The following MECOM variants were observed in gnomAD, a reference collection of about 807,000 sequenced individuals.
MECOM encodes the protein MDS1 and EVI1 complex locus.
Under a neutral mutation model 116.3 loss-of-function variants are expected in MECOM, and 13 were observed. The ratio of observed to expected loss-of-function variants is 0.11; its 90% confidence interval spans 0.07 to 0.18. MECOM has a LOEUF of 0.18. Ranked by LOEUF, MECOM falls within the 10% of genes least tolerant of loss-of-function variation. MECOM has a pLI of 1.00. For synonymous variants in MECOM, 528 were observed against 535.2 expected, an observed-to-expected ratio of 0.99 and a Z score of 0.19; for missense variants, 1,299 against 1,509.0, an observed-to-expected ratio of 0.86 and a Z score of 2.31.
chr3:169,085,087 AC>A lies in MECOM; in HGVS notation c.3586-45del, dbSNP rs754463603. The stretch of plus-strand genomic sequence containing the variant: ...AGACTCAGTAAATGGCATTTGAAAA[AC>A]ATCACTTTTAGTTCAAAGAATATTG... On this transcript the variant is annotated intron_variant, in intron 16 of 16. Transcript: ENST00000651503. The A allele has an allele frequency of 1.4e-5, 22 of 1,611,556 alleles. No homozygotes were observed. In the Admixed American group the frequency reaches 3.7e-4, roughly 27 times the overall value.
chr3:169,562,189 T>TAAAAAA (rs1560435224), intron 1 of MECOM, among the ~76,000 whole-genome samples: 1 of 98,180 alleles, frequency 1.0e-5, no homozygotes, highest in East Asian at 2.2e-4. Context: ...AAAAAAAAGA[T>TAAAAAA]AGAAAAAGAA....
At chr3:169,261,450 G>A (rs1222750333) in intron 2 of MECOM, among the ~76,000 whole-genome samples, 1 of 152,154 alleles carries the variant, frequency 6.6e-6, no homozygotes, top group Non-Finnish European at 1.5e-5. Context: ...TGTAATCCCA[G>A]CACTTTGGGA....
At chr3:169,169,484 C>G (rs1744086525) in intron 2 of MECOM, among the ~76,000 whole-genome samples, 1 of 152,026 alleles carries the variant, frequency 6.6e-6, no homozygotes, top group South Asian at 2.1e-4. Flanking sequence ...TTCCAGAATC[C>G]AGGTGGCATA....
At chr3:169,332,005 TA>T (rs10551909) in intron 2 of MECOM, among the ~76,000 whole-genome samples, 8,356 of 137,464 alleles carry the variant, frequency 0.061, 325 homozygotes, top group East Asian at 0.14. Context: ...CTTTTTTATT[TA>T]AAAAAAAAAA....
intron 2 of MECOM, chr3:169,146,622 G>C (rs1335025850): frequency 7.3e-7 from 1 of 1,369,022 alleles, no homozygotes. Context: ...TGGGGGCGGG[G>C]GGCGCCCGTA....
intron 2 of MECOM, among the ~76,000 whole-genome samples, chr3:169,224,271 G>A (rs1229140741): frequency 6.6e-6 from 1 of 152,194 alleles, no homozygotes; most frequent in Non-Finnish European, 1.5e-5. Flanking sequence ...GGGCCAAGGA[G>A]TATCTGTGGA....
chr3:169,090,871 AGGAAAACGCCAGGGT>A (rs1719492328), intron 14 of MECOM, among the ~76,000 whole-genome samples: 1 of 152,034 alleles, frequency 6.6e-6, no homozygotes, highest in Non-Finnish European at 1.5e-5. Context: ...CTTGTTTCTC[AGGAAAACGCCAGGGT>A]GGAAAAAGCT....
chr3:169,189,355 A>C (rs114367559), intron 2 of MECOM, among the ~76,000 whole-genome samples: 2,870 of 152,036 alleles, frequency 0.019, 90 homozygotes, highest in African/African-American at 0.065. Context: ...ACTTTCATTC[A>C]GCCAACAGAC....
intron 2 of MECOM, among the ~76,000 whole-genome samples, chr3:169,255,720 T>C (rs1040802994): frequency 6.6e-6 from 1 of 152,142 alleles, no homozygotes; most frequent in Non-Finnish European, 1.5e-5. Context: ...TACTACTGAC[T>C]TCTGTATTGT....
At chr3:169,094,975 G>T in intron 13 of MECOM, 101 bp downstream of exon 13, 1 of 1,048,614 alleles carries the variant, frequency 9.5e-7, no homozygotes, top group Non-Finnish European at 1.3e-6. Context: ...CCTGATTTTG[G>T]CGTCAAAATG....
intron 2 of MECOM, among the ~76,000 whole-genome samples, chr3:169,282,747 G>C (rs953188078): frequency 2.6e-5 from 4 of 151,908 alleles, no homozygotes; most frequent in African/African-American, 9.7e-5. Context: ...AATTTGTTGA[G>C]TGTGCACCTC....
intron 1 of MECOM, among the ~76,000 whole-genome samples, chr3:169,601,451 C>T (rs895000883): frequency 2.4e-4 from 37 of 152,174 alleles, no homozygotes; most frequent in African/African-American, 8.7e-4. Flanking sequence ...GAATAGAGCA[C>T]TGAGTGTAAC....
intron 2 of MECOM, among the ~76,000 whole-genome samples, chr3:169,348,448 G>GT (rs1235502604): frequency 2.6e-5 from 4 of 151,926 alleles, no homozygotes; most frequent in Non-Finnish European, 5.9e-5. Flanking sequence ...AGATCCACCA[G>GT]CCCTGAGGTC....
chr3:169,280,774 C>G (rs1711779632), intron 2 of MECOM, among the ~76,000 whole-genome samples: 1 of 152,110 alleles, frequency 6.6e-6, no homozygotes, highest in Non-Finnish European at 1.5e-5. Context: ...GTATTTTAGA[C>G]AGAAAGAACT....
At chr3:169,085,121 A>G in intron 16 of MECOM, 78 bp from the exon 17 acceptor site, 3 of 1,552,704 alleles carry the variant, frequency 1.9e-6, no homozygotes, top group African/African-American at 1.4e-5. Flanking sequence ...TTGTTGGTAA[A>G]TGGAAAGGGA....
chr3:169,212,171 TTCTC>T (rs143126832), intron 2 of MECOM, among the ~76,000 whole-genome samples: 2 of 152,144 alleles, frequency 1.3e-5, no homozygotes, highest in African/African-American at 4.8e-5. Flanking sequence ...CCCACATTTT[TTCTC>T]TCTCTCCTTC....
intron 1 of MECOM, among the ~76,000 whole-genome samples, chr3:169,576,269 TTTA>T (rs1171775807): frequency 6.6e-6 from 1 of 152,156 alleles, no homozygotes; most frequent in East Asian, 1.9e-4. Context: ...TTATTTAACG[TTTA>T]TTAAGTACCA....
At chr3:169,156,265 C>G (rs1047415701) in intron 2 of MECOM, among the ~76,000 whole-genome samples, 2 of 152,134 alleles carry the variant, frequency 1.3e-5, no homozygotes, top group African/African-American at 4.8e-5. Context: ...GTAAAGAGAC[C>G]TATTTGGCTT....
chr3:169,109,572 G>A (rs111663067), intron 9 of MECOM, among the ~76,000 whole-genome samples: 2 of 151,930 alleles, frequency 1.3e-5, no homozygotes, highest in South Asian at 2.1e-4. Flanking sequence ...GTGCTACCAC[G>A]CCCGGCTAAA....
Sources: gnomAD v4.1 joint callset for allele counts (sites outside exome capture counted in the v4.1 genomes callset) on GRCh38, gnomAD v4.1.1 for gene constraint, MANE v1.5 for transcripts, NCBI Gene and HGNC (gene_info 2026-07-23, HGNC 2026-07-21) for gene names.